PIGO: variants seen among roughly 807,000 people sequenced by gnomAD.
The protein encoded by PIGO is GPI ethanolamine phosphate transferase 3, catalytic subunit.
A neutral mutation model predicts 86.9 loss-of-function variants in PIGO; 66 were observed. The observed-to-expected ratio is 0.76, with a 90% confidence interval of 0.62 to 0.93. The LOEUF is 0.93. Ranked by LOEUF, PIGO falls within the 40% of genes least tolerant of loss-of-function variation. PIGO has a pLI of 0.00. For synonymous variants in PIGO, 570 were observed against 556.4 expected, an observed-to-expected ratio of 1.02 and a Z score of -0.34; for missense variants, 1,202 against 1,359.1, an observed-to-expected ratio of 0.88 and a Z score of 1.82.
chr9:35,093,767 G>T (rs756551847), intron 4 of PIGO, 134 bp downstream of exon 4: 124 of 1,482,920 alleles, frequency 8.4e-5, no homozygotes, highest in Non-Finnish European at 1.1e-4. Flanking sequence ...AGTTAATCAA[G>T]ATGGATGGAG....
chr9:35,090,032 A>C (rs1322443753), intron 9 of PIGO, 34 bp downstream of exon 9: 1 of 1,590,874 alleles, frequency 6.3e-7, no homozygotes, highest in South Asian at 1.1e-5. Flanking sequence ...ACAGAGAAAA[A>C]ACACCAACTC....
intron 9 of PIGO, 121 bp downstream of exon 9, chr9:35,089,945 C>T: frequency 6.8e-7 from 1 of 1,464,366 alleles, no homozygotes; most frequent in Non-Finnish European, 9.1e-7. Context: ...TGGGCTTGGG[C>T]AACCACTTCA....
intron 9 of PIGO, 163 bp from the exon 10 acceptor site, chr9:35,089,613 C>T (rs1220543072): frequency 6.9e-7 from 1 of 1,458,606 alleles, no homozygotes; most frequent in Non-Finnish European, 9.0e-7. Context: ...AGACCTACTT[C>T]CTGCCCTGCC....
rs141599015 is a variant in PIGO at position 35,095,962 on chromosome 9, C to T, written c.-2+193G>A. On this transcript the variant is annotated intron_variant, in intron 1 of 10. Transcript: ENST00000378617. ...GAGGTTGCAGTGAGCCGAGATTGAA[C>T]CACTGCACTAGAGTCTGGACAACAG... 4.1e-3 allele frequency: 786 copies of T among 190,156 alleles called. 11 individuals carry two copies. The highest frequency in any genetic ancestry group is 0.018 in the African/African-American group (757 of 42,454). The allele number at this position is 190,156 out of a possible 1,614,324, so 11.8% of individuals were successfully genotyped here. A position where few individuals can be genotyped will look rare whatever the true frequency, so the allele number is the denominator to read the frequency against.
chr9:35,095,864 A>G (rs571662820), intron 1 of PIGO: 69 of 222,494 alleles, frequency 3.1e-4, no homozygotes, highest in South Asian at 1.8e-3. Context: ...AAATACAAAA[A>G]TGGGTGGCGG....
chr9:35,090,403 G>T, intron 8 of PIGO, 63 bp downstream of exon 8: 3 of 1,557,082 alleles, frequency 1.9e-6, no homozygotes, highest in Non-Finnish European at 2.6e-6. Context: ...CAAATCCAGG[G>T]GTTTCCTTTC....
At position 35,093,496 on chromosome 9, in the gene PIGO, C is replaced by T; in HGVS notation, c.864G>A (p.Gly288=). 1.2e-6 allele frequency: 2 copies of T among 1,614,118 alleles called. No individual in the cohort carries two copies. Among genetic ancestry groups the T allele is most frequent in the Non-Finnish European group, 1.7e-6 (2 of 1,180,020 alleles). The change falls in exon 5 of 11, where the codon GGG becomes GGA. Residue 288 remains glycine, a synonymous_variant. Transcript: ENST00000378617. ...HGMTTNGDHG[G]DSELEVSAAL... is the part of the protein sequence containing the mutation. ...CAGCTGAGACCTCCAGCTCACTGTC[C>T]CCTCCATGGTCTCCATTTGTGGTCA... is the stretch of plus-strand genomic sequence containing the variant.
Position 35,094,042 on chromosome 9 carries a change from C to A in PIGO, c.656-18G>T. On this transcript the variant is annotated intron_variant, in intron 3 of 10. Coordinates refer to ENST00000378617, the MANE Select transcript of PIGO (RefSeq NM_032634.4). ...ACTGTCCACTGTGAAGGGGAGAACA[C>A]TGAGCACAGAAGACTAAGACCCACT... 1 of 1,611,126 alleles carries A rather than the reference C, an allele frequency of 6.2e-7. No homozygotes were observed. The highest frequency in any genetic ancestry group is 1.3e-5 in the African/African-American group (1 of 74,956).
rs1829469145 is a variant in PIGO, at chr9:35,092,366, C to T, written c.1521G>A (p.Lys507=). The change falls in exon 7 of 11, where the codon AAG becomes AAA. Residue 507 remains lysine, a synonymous_variant. Transcript: ENST00000378617. ...YAGLLGTIEL[K]LDLVLLGAVA... ...CAGCCCCTAGAAGCACTAGATCTAG[C>T]TTCAGCTCAATAGTTCCCAGGAGTC... is the stretch of plus-strand genomic sequence containing the variant. 6.2e-7 allele frequency: 1 copy of T among 1,614,120 alleles called. No individual in the cohort carries two copies. Among genetic ancestry groups the T allele is most frequent in the Non-Finnish European group, 8.5e-7 (1 of 1,180,048 alleles).
rs552139359 is a variant in PIGO, at chr9:35,093,733, C to A, written c.780-153G>T. On this transcript the variant is annotated intron_variant, in intron 4 of 10. Transcript: ENST00000378617. The stretch of plus-strand genomic sequence containing the variant: ...AAAGAGACATGTCTTCGGCCATGAT[C>A]CTGATGCCCAAAGCTACACATTGAG... 42 of 1,429,222 alleles carry A rather than the reference C, an allele frequency of 2.9e-5. No homozygotes were observed. The African/African-American group carries it at 5.7e-4, about 19-fold the overall frequency. The allele number at this position is 1,429,222 out of a possible 1,614,324, so 88.5% of individuals were successfully genotyped here.
In PIGO at chr9:35,092,220, C is replaced by A; in HGVS notation, c.1667G>T (p.Arg556Leu). The A allele has an allele frequency of 3.1e-6, 5 of 1,614,160 alleles. No individual in the cohort carries two copies. Among genetic ancestry groups the A allele is most frequent in the Non-Finnish European group, 4.2e-6 (5 of 1,180,044 alleles). The change falls in exon 7 of 11, where the codon CGC becomes CTC. Residue 556 changes from arginine to leucine, a missense_variant. Physicochemically the swap from Arg to Leu is moderately radical, Grantham distance 102 (BLOSUM62 -2). Coordinates refer to ENST00000378617, the MANE Select transcript of PIGO (RefSeq NM_032634.4). ...PGPVLLLLLF[R>L]LAVFFSDSFV... The stretch of plus-strand genomic sequence containing the variant: ...ACTATCAGAGAAGAACACAGCCAAG[C>A]GAAACAGCAGGAGTAACAGGACGGG...
chr9:35,092,581 G>C lies in PIGO; in HGVS notation c.1306C>G (p.Arg436Gly). 6.2e-7 allele frequency: 1 copy of C among 1,614,230 alleles called. No individual in the cohort carries two copies. Among genetic ancestry groups the C allele is most frequent in the Non-Finnish European group, 8.5e-7 (1 of 1,180,044 alleles). The change falls in exon 7 of 11, where the codon CGG (arginine) becomes GGG (glycine). Residue 436 changes from arginine (R) to glycine (G), a missense_variant. Arg to Gly is a moderately radical substitution (Grantham distance 125, BLOSUM62 -2). Transcript: ENST00000378617. ...GCCCAAGACTCGATGCACATGGCCCGAGCTCCCCGCAGGAACTGCTGCAGC... is the reference window on the plus strand; with the variant it reads ...GCCCAAGACTCGATGCACATGGCCCCAGCTCCCCGCAGGAACTGCTGCAGC... ...AELQQFLRGA[R>G]AMCIESWARF...
chr9:35,091,690 G>A lies in PIGO; in HGVS notation c.2197C>T (p.Arg733Trp), dbSNP rs748093757. The change falls in exon 7 of 11, where the codon CGG becomes TGG. Residue 733 changes from arginine to tryptophan, a missense_variant. Transcript: ENST00000378617. ...SGADEAPPRL[R>W]VLVSGASMVL... ...ATGGATGCCCCAGAGACCAGGACCC[G>A]GAGACGGGGGGGAGCCTCATCTGCC... 7.3e-5 allele frequency: 118 copies of A among 1,612,402 alleles called. No individual in the cohort carries two copies. Among genetic ancestry groups the A allele is most frequent in the African/African-American group, 2.7e-5 (2 of 74,902 alleles).
Position 35,092,574 on chromosome 9 carries a change from A to C in PIGO, c.1313T>G (p.Met438Arg). 6.2e-7 allele frequency: 1 copy of C among 1,614,230 alleles called. No homozygotes were observed. Among genetic ancestry groups the C allele is most frequent in the Non-Finnish European group, 8.5e-7 (1 of 1,180,034 alleles). ...LQQFLRGARA[M>R]CIESWARFSL... is the part of the protein sequence containing the mutation. ...GAAACGAGCCCAAGACTCGATGCACATGGCCCGAGCTCCCCGCAGGAACTG... is the reference window on the plus strand; with the variant it reads ...GAAACGAGCCCAAGACTCGATGCACCTGGCCCGAGCTCCCCGCAGGAACTG... The change falls in exon 7 of 11, where the codon ATG becomes AGG. Residue 438 changes from methionine (M) to arginine (R), a missense_variant. Met to Arg is a moderately conservative substitution (Grantham distance 91, BLOSUM62 -1). Coordinates refer to ENST00000378617, the MANE Select transcript of PIGO (RefSeq NM_032634.4).
At position 35,088,926 on chromosome 9, in the gene PIGO, G is replaced by A; in HGVS notation, c.*166C>T. The A allele has an allele frequency of 3.2e-6, 3 of 944,422 alleles. No individual in the cohort carries two copies. Among genetic ancestry groups the A allele is most frequent in the Non-Finnish European group, 4.7e-6 (3 of 633,886 alleles). 58.5% of individuals were successfully genotyped at this position (944,422 alleles called of 1,614,324 possible). ...GAGTTAGGGATCATACTCCACTGTG[G>A]TCCTGAATTATAGAATAATGAAGTC... On this transcript the variant is annotated 3_prime_UTR_variant, in exon 11 of 11. Coordinates refer to ENST00000378617, the MANE Select transcript of PIGO (RefSeq NM_032634.4).
In PIGO at chr9:35,090,292, G is replaced by T. The variant is rs1172455863; in HGVS notation, c.2855-12C>A. On this transcript the variant is annotated splice_polypyrimidine_tract_variant and intron_variant, in intron 8 of 10. Coordinates refer to ENST00000378617, the MANE Select transcript of PIGO (RefSeq NM_032634.4). ...CAGTGGGCAACCTACTGCCTCAAGA[G>T]AGGGTATGGCTGGAATCAACAGGCC... The T allele has an allele frequency of 2.5e-6, 4 of 1,611,760 alleles. No homozygotes were observed. The African/African-American group carries it at 5.3e-5, about 22-fold the overall frequency.
chr9:35,091,043 T>G (rs754690651), intron 7 of PIGO, 197 bp downstream of exon 7: 10 of 639,676 alleles, frequency 1.6e-5, no homozygotes, highest in Non-Finnish European at 2.6e-5. Context: ...CCATGAACCC[T>G]GGGAACCAAC....
Position 35,092,432 on chromosome 9 carries a change from T to C in PIGO, c.1455A>G (p.Thr485=). ...PGFPFCPLLL[T]PVAWGLVGAI... Reference sequence around the variant, plus strand: ...CCCCAACCAGGCCCCAGGCCACAGGTGTCAGGAGTAGAGGGCAGAATGGAA... The same window carrying C: ...CCCCAACCAGGCCCCAGGCCACAGGCGTCAGGAGTAGAGGGCAGAATGGAA... The change falls in exon 7 of 11, where the codon ACA becomes ACG. Residue 485 remains threonine (T), a synonymous_variant. Coordinates refer to ENST00000378617, the MANE Select transcript of PIGO (RefSeq NM_032634.4). 6.2e-7 allele frequency: 1 copy of C among 1,613,952 alleles called. No individual in the cohort carries two copies. The highest frequency in any genetic ancestry group is 1.6e-4 in the Middle Eastern group (1 of 6,062).
chr9:35,092,801 A>G (rs768088035), intron 6 of PIGO, 34 bp from the exon 7 acceptor site: 12 of 1,541,856 alleles, frequency 7.8e-6, no homozygotes, highest in Non-Finnish European at 8.8e-6. Flanking sequence ...CAAGGGGAAC[A>G]GGTCAGAGAC....
Sources: gnomAD v4.1 joint callset for allele counts on GRCh38, gnomAD v4.1.1 for gene constraint, MANE v1.5 for transcripts, NCBI Gene and HGNC (gene_info 2026-07-23, HGNC 2026-07-21) for gene names.